ZNF679: variants seen among roughly 807,000 people sequenced by gnomAD.
The protein encoded by ZNF679 is hypothetical protein MGC42415.
ZNF679 carries 10 observed loss-of-function variants against 13.4 expected under a neutral mutation model. The ratio of observed to expected loss-of-function variants is 0.75; its 90% CI spans 0.46 to 1.27. The LOEUF (loss-of-function observed/expected upper bound fraction) is 1.27. Ranked by LOEUF, ZNF679 falls within the 50% of genes most tolerant of loss-of-function variation. The probability of loss-of-function intolerance (pLI) is 0.00; values close to 1 mark genes in which losing one functional copy is unlikely to be tolerated. For synonymous variants in ZNF679, 179 were observed against 162.5 expected, an observed-to-expected ratio of 1.10 and a Z score of -0.77; for missense variants, 525 against 477.8, an observed-to-expected ratio of 1.10 and a Z score of -0.92.
chr7:64,246,649 G>A (rs1371142097), intron 1 of ZNF679, among the ~76,000 whole-genome samples: 3 of 152,082 alleles, frequency 2.0e-5, no homozygotes, highest in Non-Finnish European at 2.9e-5. Flanking sequence ...CTTGAACCCG[G>A]GAGGCAGAGG....
At chr7:64,247,622 C>T (rs181285069) in intron 1 of ZNF679, among the ~76,000 whole-genome samples, 20 of 152,222 alleles carry the variant, frequency 1.3e-4, no homozygotes, top group Admixed American at 1.3e-3. Context: ...GGCACGATCT[C>T]GGCTCACTGC....
intron 2 of ZNF679, among the ~76,000 whole-genome samples, chr7:64,253,803 C>G (rs528017538): frequency 6.6e-6 from 1 of 152,084 alleles, no homozygotes; most frequent in African/African-American, 2.4e-5. Context: ...ACCCTGAAGA[C>G]AGCATGTTTT....
chr7:64,248,704 C>T (rs1787900996), intron 1 of ZNF679, among the ~76,000 whole-genome samples: 1 of 152,146 alleles, frequency 6.6e-6, no homozygotes, highest in African/African-American at 2.4e-5. Context: ...TATGTTTTTT[C>T]AGTTTATGAA....
intron 4 of ZNF679, among the ~76,000 whole-genome samples, chr7:64,264,055 A>G (rs1468074743): frequency 3.3e-5 from 5 of 152,124 alleles, no homozygotes; most frequent in African/African-American, 7.2e-5. Context: ...GATGTTATAT[A>G]TACTTATACA....
chr7:64,245,444 G>GGAGA (rs1179404338), intron 1 of ZNF679, among the ~76,000 whole-genome samples: 3 of 113,628 alleles, frequency 2.6e-5, no homozygotes, highest in African/African-American at 5.7e-5. Context: ...AGAGAGAGAG[G>GGAGA]GAGAGAGAGA....
At chr7:64,235,241 C>A (rs1281330457) in intron 1 of ZNF679, among the ~76,000 whole-genome samples, 1 of 151,266 alleles carries the variant, frequency 6.6e-6, no homozygotes, top group African/African-American at 2.4e-5. Flanking sequence ...TGTTCCTGAA[C>A]AACCCATGGG....
At chr7:64,259,190 G>A (rs7801114) in intron 2 of ZNF679, among the ~76,000 whole-genome samples, 38,295 of 152,058 alleles carry the variant, frequency 0.25, 5,046 homozygotes, top group Non-Finnish European at 0.27. Context: ...GGGATTACAG[G>A]CGTGAGCTAC....
At chr7:64,254,867 A>G (rs1787983125) in intron 2 of ZNF679, among the ~76,000 whole-genome samples, 1 of 151,798 alleles carries the variant, frequency 6.6e-6, no homozygotes, top group African/African-American at 2.4e-5. Context: ...GAGCGTGGTG[A>G]CAGGTGCCTG....
At chr7:64,265,215 T>C (rs1788127639) in intron 4 of ZNF679, among the ~76,000 whole-genome samples, 1 of 152,162 alleles carries the variant, frequency 6.6e-6, no homozygotes, top group African/African-American at 2.4e-5. Context: ...TGCAGCTCTT[T>C]CTTGGCATAG....
intron 2 of ZNF679, among the ~76,000 whole-genome samples, chr7:64,255,749 T>C (rs1787997121): frequency 6.6e-6 from 1 of 151,810 alleles, no homozygotes; most frequent in Non-Finnish European, 1.5e-5. Flanking sequence ...GCTGGAATTA[T>C]AGGTGCATGC....
At chr7:64,263,752 T>A (rs1241926668) in intron 4 of ZNF679, among the ~76,000 whole-genome samples, 1 of 152,184 alleles carries the variant, frequency 6.6e-6, no homozygotes, top group East Asian at 1.9e-4. Flanking sequence ...AGCTTCCTCA[T>A]ATCCTCACCA....
At chr7:64,247,117 A>G (rs183751054) in intron 1 of ZNF679, among the ~76,000 whole-genome samples, 2 of 152,330 alleles carry the variant, frequency 1.3e-5, no homozygotes, top group Admixed American at 1.3e-4. Context: ...TTAGCGTGTA[A>G]TGATTCCTGA....
intron 1 of ZNF679, among the ~76,000 whole-genome samples, chr7:64,231,536 G>A (rs1787639026): frequency 6.6e-6 from 1 of 152,152 alleles, no homozygotes; most frequent in South Asian, 2.1e-4. Context: ...AGGGAGCAGA[G>A]TCATGTCACA....
At position 64,265,876 on chromosome 7, in the gene ZNF679, G is replaced by T. The variant is rs752701646; in HGVS notation, c.263-20G>T. ...CTGGGTGTAGTAAGTGAAGTAACTT[G>T]TGATTTTTATGTCTTTCAGTTATGT... On this transcript the variant is annotated intron_variant, in intron 4 of 4. Coordinates refer to ENST00000421025, the MANE Select transcript of ZNF679 (RefSeq NM_153363.3). 6.2e-7 allele frequency: 1 copy of T among 1,605,684 alleles called. No individual in the cohort carries two copies.
Position 64,260,324 on chromosome 7 carries a change from A to C in ZNF679, c.143A>C (p.Asn48Thr), listed in dbSNP as rs772058328. The change falls in exon 3 of 5, where the codon AAC becomes ACC. Residue 48 changes from asparagine to threonine, a missense_variant. Transcript: ENST00000421025. Reference sequence around the variant, plus strand: ...TTATATAGAGATGTGATGTTAGAGAACTACAGAAACCTGGTCTCCCTGGGT... The same window carrying C: ...TTATATAGAGATGTGATGTTAGAGACCTACAGAAACCTGGTCTCCCTGGGT... ...QNLYRDVMLE[N>T]YRNLVSLGIA... is the part of the protein sequence containing the mutation. 6.2e-7 allele frequency: 1 copy of C among 1,610,804 alleles called. No individual in the cohort carries two copies. The highest frequency in any genetic ancestry group is 1.1e-5 in the South Asian group (1 of 90,278).
intron 1 of ZNF679, among the ~76,000 whole-genome samples, chr7:64,230,239 A>T (rs1787617971): frequency 6.6e-6 from 1 of 152,256 alleles, no homozygotes; most frequent in African/African-American, 2.4e-5. Context: ...TTCCCCTAAG[A>T]AAAGGGCCAA....
At chr7:64,243,115 T>A (rs1787819487) in intron 1 of ZNF679, among the ~76,000 whole-genome samples, 1 of 152,198 alleles carries the variant, frequency 6.6e-6, no homozygotes, top group South Asian at 2.1e-4. Context: ...ACCCAAAGAC[T>A]TTATAGAATA....
chr7:64,259,323 G>A (rs1264693099), intron 2 of ZNF679, among the ~76,000 whole-genome samples: 1 of 152,176 alleles, frequency 6.6e-6, no homozygotes, highest in Admixed American at 6.5e-5. Context: ...TGTAGCTGTT[G>A]AACATGAGAA....
chr7:64,233,322 C>T (rs1237487900), intron 1 of ZNF679, among the ~76,000 whole-genome samples: 1 of 151,150 alleles, frequency 6.6e-6, no homozygotes, highest in Non-Finnish European at 1.5e-5. Context: ...GAGACCTCGT[C>T]GTTAAGAAAA....
Sources: allele counts gnomAD v4.1 joint callset (sites outside exome capture counted in the v4.1 genomes callset), GRCh38; gene constraint gnomAD v4.1.1; transcripts MANE v1.5; gene names NCBI Gene and HGNC (gene_info 2026-07-23, HGNC 2026-07-21).